HEMK1: variants seen among roughly 807,000 people sequenced by gnomAD.
The protein encoded by HEMK1 is MTRF1L release factor glutamine methyltransferase.
Under a neutral mutation model 47.9 loss-of-function variants are expected in HEMK1, and 36 were observed. The ratio of observed to expected loss-of-function variants is 0.75; its 90% CI spans 0.58 to 0.99. HEMK1 has a LOEUF of 0.99. Ranked by LOEUF, HEMK1 falls within the 50% of genes least tolerant of loss-of-function variation. The pLI is 0.00. For missense variants in HEMK1, 383 were observed against 434.5 expected, an observed-to-expected ratio of 0.88 and a Z score of 1.05; for synonymous variants, 153 against 165.4, an observed-to-expected ratio of 0.93 and a Z score of 0.57.
Position 50,593,215 on chromosome 3 carries a change from C to T in HEMK1, c.*12798C>T, listed in dbSNP as rs1264220007. 1 of 152,352 alleles carries T rather than the reference C, an allele frequency of 6.6e-6. No individual in the cohort carries two copies. Among genetic ancestry groups the T allele is most frequent in the Non-Finnish European group, 1.5e-5 (1 of 68,176 alleles). 9.4% of individuals were successfully genotyped at this position (152,352 alleles called of 1,614,324 possible). A position where few individuals can be genotyped will look rare whatever the true frequency, so the allele number is the denominator to read the frequency against. ...CTCAGGCCTGGCTTAGGAACCCTGC[C>T]CACAGCTGTACTAATGCCCTTGGCT... On this transcript the variant is annotated 3_prime_UTR_variant, in exon 11 of 11. Coordinates refer to ENST00000232854, the MANE Select transcript of HEMK1 (RefSeq NM_016173.5).
Position 50,580,367 on chromosome 3 carries a change from C to T in HEMK1, c.981-14C>T, listed in dbSNP as rs750161367. 66 of 1,614,024 alleles carry T rather than the reference C, an allele frequency of 4.1e-5. No individual in the cohort carries two copies. Among genetic ancestry groups the T allele is most frequent in the Non-Finnish European group, 4.9e-5 (58 of 1,179,998 alleles). On this transcript the variant is annotated splice_polypyrimidine_tract_variant and intron_variant, in intron 10 of 10. Coordinates refer to ENST00000232854, the MANE Select transcript of HEMK1 (RefSeq NM_016173.5). ...GGCCCAGGTGGTAACCAGCCCCTGTCCCTGTCTCCTCAGGCCCCGGTTCCT... is the reference window on the plus strand; with the variant it reads ...GGCCCAGGTGGTAACCAGCCCCTGTTCCTGTCTCCTCAGGCCCCGGTTCCT...
intron 4 of HEMK1, among the ~76,000 whole-genome samples, chr3:50,574,760 C>CACAGGGCTGGTGAGAGCTAGTGAAT (rs1701385556): frequency 6.6e-6 from 1 of 152,202 alleles, no homozygotes. Flanking sequence ...TAGTGCCTGG[C>CACAGGGCTGGTGAGAGCTAGTGAAT]ACAGGGCTGG....
chr3:50,572,104 C>T lies in HEMK1; in HGVS notation c.321-11C>T. On this transcript the variant is annotated splice_polypyrimidine_tract_variant and intron_variant, in intron 3 of 10. Coordinates refer to ENST00000232854, the MANE Select transcript of HEMK1 (RefSeq NM_016173.5). ...CTGTCCCTGATGACCACCCAGCTGC[C>T]CCCTCTGCAGGATGCCGGTGCAGTA... 2 of 1,613,820 alleles carry T rather than the reference C, an allele frequency of 1.2e-6. No homozygotes were observed. The highest frequency in any genetic ancestry group is 1.1e-5 in the South Asian group (1 of 91,048).
At chr3:50,574,870 T>C (rs1383439754) in intron 4 of HEMK1, among the ~76,000 whole-genome samples, 3 of 152,078 alleles carry the variant, frequency 2.0e-5, no homozygotes, top group Non-Finnish European at 1.5e-5. Flanking sequence ...ACATGGAGGG[T>C]TGGACCTGCT....
rs2030773978 is a variant in HEMK1, at chr3:50,581,293, C to T, written c.*876C>T. ...CAGGAGGCCTGCAGATCCAGCCTTCCTGTCAACAGCGACAGGAAATCTCTA... is the reference window on the plus strand; with the variant it reads ...CAGGAGGCCTGCAGATCCAGCCTTCTTGTCAACAGCGACAGGAAATCTCTA... On this transcript the variant is annotated 3_prime_UTR_variant, in exon 11 of 11. Coordinates refer to ENST00000232854, the MANE Select transcript of HEMK1 (RefSeq NM_016173.5). The T allele has an allele frequency of 6.6e-6, 1 of 152,232 alleles. No homozygotes were observed. The highest frequency in any genetic ancestry group is 2.4e-5 in the African/African-American group (1 of 41,438). The allele number at this position is 152,232 out of a possible 1,614,324, so 9.4% of individuals were successfully genotyped here. A position where few individuals can be genotyped will look rare whatever the true frequency, so the allele number is the denominator to read the frequency against.
At position 50,592,085 on chromosome 3, in the gene HEMK1, A is replaced by T. The variant is rs1301802681; in HGVS notation, c.*11668A>T. 6.6e-6 allele frequency: 1 copy of T among 150,490 alleles called. No individual in the cohort carries two copies. Among genetic ancestry groups the T allele is most frequent in the Non-Finnish European group, 1.5e-5 (1 of 67,776 alleles). 9.3% of individuals were successfully genotyped at this position (150,490 alleles called of 1,614,324 possible). A position where few individuals can be genotyped will look rare whatever the true frequency, so the allele number is the denominator to read the frequency against. On this transcript the variant is annotated 3_prime_UTR_variant, in exon 11 of 11. Coordinates refer to ENST00000232854, the MANE Select transcript of HEMK1 (RefSeq NM_016173.5). Reference sequence around the variant, plus strand: ...CACTGCACTCCAGCCTGGACGACAGAGTGAGACTCCGCATCAGAAAAAAAA... The same window carrying T: ...CACTGCACTCCAGCCTGGACGACAGTGTGAGACTCCGCATCAGAAAAAAAA...
chr3:50,571,648 GAC>G, intron 2 of HEMK1, 60 bp from the exon 3 acceptor site: 1 of 1,465,256 alleles, frequency 6.8e-7, no homozygotes, highest in Non-Finnish European at 9.6e-7. Context: ...ATCCACATAA[GAC>G]ACCTGGGTTG....
In HEMK1 at chr3:50,572,206, G is replaced by C; in HGVS notation, c.412G>C (p.Glu138Gln). 6.2e-7 allele frequency: 1 copy of C among 1,610,518 alleles called. No homozygotes were observed. Among genetic ancestry groups the C allele is most frequent in the South Asian group, 1.1e-5 (1 of 90,838 alleles). Reference sequence around the variant, plus strand: ...AGTGTTTATTCCTCGGCCAGAAACAGAGGTAGGTGTGCCACCAGGGCAAGG... The same window carrying C: ...AGTGTTTATTCCTCGGCCAGAAACACAGGTAGGTGTGCCACCAGGGCAAGG... Reference protein sequence around the residue: ...PPVFIPRPETEELVEWVLEEV... With the variant: ...PPVFIPRPETQELVEWVLEEV... The change falls in exon 4 of 11, where the codon GAG becomes CAG. Residue 138 changes from glutamate to glutamine, a missense_variant and splice_region_variant. Coordinates refer to ENST00000232854, the MANE Select transcript of HEMK1 (RefSeq NM_016173.5).
intron 4 of HEMK1, 84 bp downstream of exon 4, chr3:50,572,292 G>T (rs1465224306): frequency 2.0e-6 from 3 of 1,513,976 alleles, no homozygotes; most frequent in African/African-American, 2.8e-5. Context: ...CCTCCAGGGG[G>T]CACTGGGGCC....
rs1411770483 is a variant in HEMK1, at chr3:50,582,994, G to C, written c.*2577G>C. On this transcript the variant is annotated 3_prime_UTR_variant, in exon 11 of 11. Transcript: ENST00000232854. ...CACCACCACCAGCATATGTCAAGGA[G>C]CACTTGCAGGCAGAATGGGAGGAGG... 1 of 152,552 alleles carries C rather than the reference G, an allele frequency of 6.6e-6. No individual in the cohort carries two copies. The highest frequency in any genetic ancestry group is 6.5e-5 in the Admixed American group (1 of 15,286). 9.4% of individuals were successfully genotyped at this position (152,552 alleles called of 1,614,324 possible). A position where few individuals can be genotyped will look rare whatever the true frequency, so the allele number is the denominator to read the frequency against.
rs1479425234 is a variant in HEMK1 at position 50,594,685 on chromosome 3, G to C, written c.*14268G>C. 6.6e-6 allele frequency: 1 copy of C among 152,300 alleles called. No individual in the cohort carries two copies. The highest frequency in any genetic ancestry group is 1.5e-5 in the Non-Finnish European group (1 of 68,086). 9.4% of individuals were successfully genotyped at this position (152,300 alleles called of 1,614,324 possible). A position where few individuals can be genotyped will look rare whatever the true frequency, so the allele number is the denominator to read the frequency against. ...GAGCAGCCTGAAACCAAGGAAGACAGAGAGTTGGTAGACACATGCCCAGCT... is the reference window on the plus strand; with the variant it reads ...GAGCAGCCTGAAACCAAGGAAGACACAGAGTTGGTAGACACATGCCCAGCT... On this transcript the variant is annotated 3_prime_UTR_variant, in exon 11 of 11. Coordinates refer to ENST00000232854, the MANE Select transcript of HEMK1 (RefSeq NM_016173.5).
rs2031197509 is a variant in HEMK1, at chr3:50,584,726, A to G, written c.*4309A>G. On this transcript the variant is annotated 3_prime_UTR_variant, in exon 11 of 11. Transcript: ENST00000232854. ...GATTGCTGACCTCCAGAACAGTAAG[A>G]TCATAAATTTGTGTTGTTTTCACAT... The G allele has an allele frequency of 6.6e-6, 1 of 152,062 alleles. No homozygotes were observed. The highest frequency in any genetic ancestry group is 2.4e-5 in the African/African-American group (1 of 41,428). 9.4% of individuals were successfully genotyped at this position (152,062 alleles called of 1,614,324 possible).
chr3:50,590,197 TTAAAAA>T lies in HEMK1; in HGVS notation c.*9784_*9789del, dbSNP rs2031646637. On this transcript the variant is annotated 3_prime_UTR_variant, in exon 11 of 11. Transcript: ENST00000232854. ...TAGACTCCATCTCAAAAAAAAAAAT[TTAAAAA>T]TAATAATTTTAAAAAAATGTTTTAA... 1 of 150,476 alleles carries T rather than the reference TTAAAAA, an allele frequency of 6.6e-6. No homozygotes were observed. The allele number at this position is 150,476 out of a possible 1,614,324, so 9.3% of individuals were successfully genotyped here.
intron 8 of HEMK1, among the ~76,000 whole-genome samples, chr3:50,579,396 C>T (rs2030393888): frequency 6.6e-6 from 1 of 152,198 alleles, no homozygotes; most frequent in South Asian, 2.1e-4. Context: ...CCAGGCCATC[C>T]TGCTCTTACA....
In HEMK1 at chr3:50,583,013, G is replaced by C. The variant is rs150362618; in HGVS notation, c.*2596G>C. ...CAAGGAGCACTTGCAGGCAGAATGG[G>C]AGGAGGACATGGAGCTGATGGAGTC... On this transcript the variant is annotated 3_prime_UTR_variant, in exon 11 of 11. Transcript: ENST00000232854. 1 of 152,482 alleles carries C rather than the reference G, an allele frequency of 6.6e-6. No individual in the cohort carries two copies. Among genetic ancestry groups the C allele is most frequent in the Non-Finnish European group, 1.5e-5 (1 of 68,222 alleles). 9.4% of individuals were successfully genotyped at this position (152,482 alleles called of 1,614,324 possible). A position where few individuals can be genotyped will look rare whatever the true frequency, so the allele number is the denominator to read the frequency against.
intron 5 of HEMK1, 90 bp from the exon 6 acceptor site, chr3:50,577,418 TG>T: frequency 3.9e-6 from 5 of 1,293,652 alleles, no homozygotes; most frequent in Non-Finnish European, 5.6e-6. Flanking sequence ...TCTCTTCTGG[TG>T]GGGGGTTGGA....
Position 50,572,228 on chromosome 3 carries a change from A to C in HEMK1, c.414+20A>C, listed in dbSNP as rs1186928452. 1 of 1,560,656 alleles carries C rather than the reference A, an allele frequency of 6.4e-7. No homozygotes were observed. The highest frequency in any genetic ancestry group is 1.7e-5 in the Admixed American group (1 of 59,014). On this transcript the variant is annotated intron_variant, in intron 4 of 10. Transcript: ENST00000232854. The stretch of plus-strand genomic sequence containing the variant: ...ACAGAGGTAGGTGTGCCACCAGGGC[A>C]AGGCAGGATCAGGATGATGGTGGAG...
intron 3 of HEMK1, 154 bp from the exon 4 acceptor site, chr3:50,571,961 A>AAGGG (rs1351283991): frequency 1.3e-6 from 1 of 795,588 alleles, no homozygotes; most frequent in Non-Finnish European, 1.5e-6. Context: ...GAATAGGAAG[A>AAGGG]AGGGAGGGAG....
Position 50,589,902 on chromosome 3 carries a change from A to G in HEMK1, c.*9485A>G, listed in dbSNP as rs2031629280. On this transcript the variant is annotated 3_prime_UTR_variant, in exon 11 of 11. Coordinates refer to ENST00000232854, the MANE Select transcript of HEMK1 (RefSeq NM_016173.5). ...ACAAGAGCAAAACTCTGTCTCAAAA[A>G]TAATAATAATAGGCCAGGCGCAGTA... 6.6e-6 allele frequency: 1 copy of G among 151,990 alleles called. No individual in the cohort carries two copies. Among genetic ancestry groups the G allele is most frequent in the African/African-American group, 2.4e-5 (1 of 41,356 alleles). 9.4% of individuals were successfully genotyped at this position (151,990 alleles called of 1,614,324 possible). A position where few individuals can be genotyped will look rare whatever the true frequency, so the allele number is the denominator to read the frequency against.
Sources: allele counts gnomAD v4.1 joint callset (sites outside exome capture counted in the v4.1 genomes callset), GRCh38; gene constraint gnomAD v4.1.1; transcripts MANE v1.5; gene names NCBI Gene and HGNC (gene_info 2026-07-23, HGNC 2026-07-21).